The following TFR2 variants were observed in gnomAD, a reference collection of about 807,000 sequenced individuals.
The protein encoded by TFR2 is transferrin receptor protein 2.
In TFR2, 64 loss-of-function variants were observed where a neutral mutation model predicts 91.9. That is an observed-to-expected ratio of 0.70 (90% CI 0.57 to 0.86). The LOEUF (loss-of-function observed/expected upper bound fraction) is 0.86, where lower values mean the gene tolerates loss of function less well. Ranked by LOEUF, TFR2 falls within the 40% of genes least tolerant of loss-of-function variation. TFR2 has a pLI of 0.00. For synonymous variants in TFR2, 454 were observed against 459.6 expected (o/e 0.99, Z 0.15); for missense variants, 950 against 1,080.5 (o/e 0.88, Z 1.69).
At chr7:100,625,866 G>C (rs1803238122) in intron 17 of TFR2, among the ~76,000 whole-genome samples, 1 of 152,158 alleles carries the variant, frequency 6.6e-6, no homozygotes, top group Non-Finnish European at 1.5e-5. Flanking sequence ...GTCTGGGCAA[G>C]GGAGAACGAG....
At chr7:100,626,713 C>T in intron 17 of TFR2, 50 bp downstream of exon 17, 1 of 1,529,778 alleles carries the variant, frequency 6.5e-7, no homozygotes, top group Non-Finnish European at 8.7e-7. Context: ...GGTGGAGCCC[C>T]AGGGGAGGGG....
At chr7:100,634,170 C>T (rs995101549) in intron 3 of TFR2, among the ~76,000 whole-genome samples, 1 of 117,028 alleles carries the variant, frequency 8.5e-6, no homozygotes, top group African/African-American at 3.3e-5. Context: ...TCGTTCCTCC[C>T]GACGTCAACA....
At position 100,633,540 on chromosome 7, in the gene TFR2, C is replaced by G; in HGVS notation, c.490G>C (p.Glu164Gln). The change falls in exon 4 of 18, where the codon GAA becomes CAA. Residue 164 changes from glutamate to glutamine, a missense_variant. Coordinates refer to ENST00000223051, the MANE Select transcript of TFR2 (RefSeq NM_003227.4). The stretch of plus-strand genomic sequence containing the variant: ...ATCCCGGCCGAGCCTGCCACCCGTT[C>G]CCGAAGGCTGGTTTGCCTAAGCGGG... Reference protein sequence around the residue: ...EDTIRQTSLRERVAGSAGMAA... With the variant: ...EDTIRQTSLRQRVAGSAGMAA... The G allele has an allele frequency of 6.2e-7, 1 of 1,605,538 alleles. No individual in the cohort carries two copies. Among genetic ancestry groups the G allele is most frequent in the Non-Finnish European group, 8.5e-7 (1 of 1,179,670 alleles).
rs1426704853 is a variant in TFR2 at position 100,641,008 on chromosome 7, AG to A, written c.253del (p.Leu85TrpfsTer3). The part of the protein sequence containing the change: ...AAAGRRAAPY[L>X]VLTALLIFTG... ...GAAGATCAGCAGGGCCGTCAGGACC[AG>A]GTAGGGGGCAGCCCTCCGTCCTGCT... On this transcript the variant is annotated frameshift_variant, in exon 2 of 18. Coordinates refer to ENST00000223051, the MANE Select transcript of TFR2 (RefSeq NM_003227.4). LOFTEE classifies it high-confidence loss of function. 1.2e-6 allele frequency: 2 copies of A among 1,605,698 alleles called. No individual in the cohort carries two copies. The highest frequency in any genetic ancestry group is 3.4e-5 in the Admixed American group (2 of 59,470).
At chr7:100,621,419 A>G (rs1387873846) in intron 17 of TFR2, among the ~76,000 whole-genome samples, 1 of 152,054 alleles carries the variant, frequency 6.6e-6, no homozygotes, top group Non-Finnish European at 1.5e-5. Context: ...ACGCCCGGCT[A>G]ATTTTTGTAT....
chr7:100,625,472 C>T (rs1266385710), intron 17 of TFR2, among the ~76,000 whole-genome samples: 2 of 152,106 alleles, frequency 1.3e-5, no homozygotes, highest in Non-Finnish European at 2.9e-5. Context: ...TGAGGTTAAA[C>T]CAAGATCTGT....
At chr7:100,625,146 A>G (rs1033400798) in intron 17 of TFR2, among the ~76,000 whole-genome samples, 4 of 141,714 alleles carry the variant, frequency 2.8e-5, no homozygotes, top group African/African-American at 5.3e-5. Context: ...TGCAACCTCC[A>G]TCTCCCAGGC....
At chr7:100,632,253 G>A in intron 6 of TFR2, 55 bp from the exon 7 acceptor site, 2 of 1,517,242 alleles carry the variant, frequency 1.3e-6, no homozygotes, top group Admixed American at 1.7e-5. Context: ...GATTCATAAG[G>A]GCAGGAGAAA....
intron 10 of TFR2, 82 bp from the exon 11 acceptor site, chr7:100,628,388 C>G (rs1380932464): frequency 1.1e-5 from 15 of 1,375,902 alleles, no homozygotes; most frequent in African/African-American, 1.4e-5. Context: ...CCTGGTCCCC[C>G]AGGGTCTCTG....
Position 100,628,096 on chromosome 7 carries a change from A to G in TFR2, c.1514T>C (p.Val505Ala). ...ACCCAGCACTGCGTTGTCCAGGCTCACGTACACTACGGCTTTGAGGTGCAG... is the reference window on the plus strand; with the variant it reads ...ACCCAGCACTGCGTTGTCCAGGCTCGCGTACACTACGGCTTTGAGGTGCAG... Reference protein sequence around the residue: ...SVLHLKAVVYVSLDNAVLGDD... With the variant: ...SVLHLKAVVYASLDNAVLGDD... Residue 505 changes from valine (V) to alanine (A), a missense_variant, in exon 12 of 18, where the codon GTG (valine) becomes GCG (alanine). Physicochemically the swap from Val to Ala is moderately conservative, Grantham distance 64. Transcript: ENST00000223051. 1 of 1,614,126 alleles carries G rather than the reference A, an allele frequency of 6.2e-7. No homozygotes were observed. The highest frequency in any genetic ancestry group is 8.5e-7 in the Non-Finnish European group (1 of 1,180,010).
chr7:100,621,534 G>A (rs978485910), intron 17 of TFR2, among the ~76,000 whole-genome samples: 2 of 152,118 alleles, frequency 1.3e-5, no homozygotes, highest in African/African-American at 2.4e-5. Context: ...GATTACAGGT[G>A]TGAGCCACCA....
chr7:100,627,653 G>A lies in TFR2; in HGVS notation c.1691C>T (p.Pro564Leu), dbSNP rs1562838597. Residue 564 changes from proline (P) to leucine (L), a missense_variant, in exon 15 of 18, where the codon CCC becomes CTC. Physicochemically the swap from Pro to Leu is moderately conservative, Grantham distance 98. Coordinates refer to ENST00000223051, the MANE Select transcript of TFR2 (RefSeq NM_003227.4). The part of the protein sequence containing the change: ...NPSWDAEVIR[P>L]LPMDSSAYSF... The stretch of plus-strand genomic sequence containing the variant: ...ATAGGCACTGCTGTCCATGGGTAGG[G>A]GCCGGATCCTGGGGGCAGGTGGGTT... The A allele has an allele frequency of 6.2e-7, 1 of 1,614,158 alleles. No homozygotes were observed. The highest frequency in any genetic ancestry group is 2.2e-5 in the East Asian group (1 of 44,884).
Position 100,631,884 on chromosome 7 carries a change from A to C in TFR2, c.1028T>G (p.Phe343Cys), listed in dbSNP as rs1803446969. 3.7e-6 allele frequency: 6 copies of C among 1,613,844 alleles called. No homozygotes were observed. Among genetic ancestry groups the C allele is most frequent in the Non-Finnish European group, 5.1e-6 (6 of 1,179,966 alleles). Residue 343 changes from phenylalanine (F) to cysteine (C), a missense_variant, in exon 8 of 18, where the codon TTC becomes TGC. Transcript: ENST00000223051. ...PGFPSFNQTQ[F>C]PPVASSGLPS... is the part of the protein sequence containing the mutation. ...AAGGCCTGATGATGCAACTGGAGGGAACTGGGTTTGATTGAAGGAAGGGAA... is the reference window on the plus strand; with the variant it reads ...AAGGCCTGATGATGCAACTGGAGGGCACTGGGTTTGATTGAAGGAAGGGAA...
At chr7:100,629,210 C>T (rs753456186) in intron 10 of TFR2, 43 bp downstream of exon 10, 2 of 1,611,590 alleles carry the variant, frequency 1.2e-6, no homozygotes, top group Non-Finnish European at 1.7e-6. Flanking sequence ...GCCACAGGCC[C>T]ACCGCTGCCT....
At chr7:100,626,463 G>T (rs1296332584) in intron 17 of TFR2, 3 of 1,282,410 alleles carry the variant, frequency 2.3e-6, no homozygotes, top group Admixed American at 3.6e-5. Context: ...GCTATAGGAG[G>T]GGAGTCAGCG....
At chr7:100,622,304 C>T (rs1269816052) in intron 17 of TFR2, among the ~76,000 whole-genome samples, 1 of 152,186 alleles carries the variant, frequency 6.6e-6, no homozygotes, top group Non-Finnish European at 1.5e-5. Context: ...TCTCCCCACC[C>T]AGTGACCCAC....
rs553398140 is a variant in TFR2 at position 100,624,269 on chromosome 7, C to T, written c.2136+2494G>A. Among the ~76,000 whole-genome samples the T allele has an allele frequency of 5.6e-4, 85 of 152,200 alleles. 1 individual carries two copies. The Middle Eastern group carries it at 0.037, about 67-fold the overall frequency. ...TCATGGGGCCCCTGTTCTGGCTCTGCTGGTCCACACCCCGCTTCCAAGTAA... is the reference window on the plus strand; with the variant it reads ...TCATGGGGCCCCTGTTCTGGCTCTGTTGGTCCACACCCCGCTTCCAAGTAA... On this transcript the variant is annotated intron_variant, in intron 17 of 17. Transcript: ENST00000223051.
Position 100,633,196 on chromosome 7 carries a change from G to C in TFR2, c.726+33C>G, listed in dbSNP as rs760477670. The C allele has an allele frequency of 6.6e-5, 106 of 1,613,152 alleles. 1 individual carries two copies. In the South Asian group the frequency reaches 1.1e-3, roughly 17 times the overall value. On this transcript the variant is annotated intron_variant, in intron 5 of 17. Transcript: ENST00000223051. ...AGACCCAGGAAAGGGCTCGTGCCGCGCCCCATCCTAGGAGCGGGCAGGGGG... is the reference window on the plus strand; with the variant it reads ...AGACCCAGGAAAGGGCTCGTGCCGCCCCCCATCCTAGGAGCGGGCAGGGGG...
At chr7:100,631,647 T>A in intron 8 of TFR2, 159 bp downstream of exon 8, 1 of 958,000 alleles carries the variant, frequency 1.0e-6, no homozygotes. Context: ...GGTCAGGGTC[T>A]CTCTGTCTCC....
Sources: allele counts gnomAD v4.1 joint callset (sites outside exome capture counted in the v4.1 genomes callset), GRCh38; gene constraint gnomAD v4.1.1; transcripts MANE v1.5; gene names NCBI Gene and HGNC (gene_info 2026-07-23, HGNC 2026-07-21).